Variants in FSCN3 observed in about 807,000 individuals in gnomAD.
FSCN3 encodes fascin actin-bundling protein 3, also known as fascin-3.
A neutral mutation model predicts 53.5 loss-of-function variants in FSCN3; 43 were observed. That is an observed-to-expected ratio of 0.80 (90% CI 0.63 to 1.04). The LOEUF is 1.04. Ranked by LOEUF, FSCN3 falls within the 50% of genes least tolerant of loss-of-function variation. FSCN3 has a pLI of 0.00. For synonymous variants in FSCN3, 235 were observed against 246.6 expected (o/e 0.95, Z 0.44); for missense variants, 594 against 646.5 (o/e 0.92, Z 0.88).
At chr7:127,595,198 TG>T in intron 1 of FSCN3, 108 bp from the exon 2 acceptor site, 1 of 857,032 alleles carries the variant, frequency 1.2e-6, no homozygotes, top group Non-Finnish European at 1.8e-6. Flanking sequence ...AGGAGGTGGC[TG>T]GTGCTGATGA....
chr7:127,594,339 C>G (rs1432356961), intron 1 of FSCN3, among the ~76,000 whole-genome samples: 1 of 151,940 alleles, frequency 6.6e-6, no homozygotes, highest in East Asian at 1.9e-4. Context: ...TTCCTAGGTT[C>G]TGCCAGTGCC....
rs1306579884 is a variant in FSCN3 at position 127,595,676 on chromosome 7, G to A, written c.514G>A (p.Val172Ile). The part of the protein sequence containing the change: ...TMGRIWVDAA[V>I]PCLEECGFLL... ...GGGCCGCATCTGGGTGGACGCAGCAGTTCCCTGCCTGGAGGAGTGTGGCTT... is the reference window on the plus strand; with the variant it reads ...GGGCCGCATCTGGGTGGACGCAGCAATTCCCTGCCTGGAGGAGTGTGGCTT... Residue 172 changes from valine to isoleucine, a missense_variant, in exon 2 of 7, where the codon GTT becomes ATT. Transcript: ENST00000265825. The A allele has an allele frequency of 1.2e-6, 2 of 1,614,094 alleles. No individual in the cohort carries two copies. The highest frequency in any genetic ancestry group is 1.7e-5 in the Admixed American group (1 of 60,026).
intron 1 of FSCN3, 47 bp downstream of exon 1, chr7:127,594,044 C>T: frequency 1.3e-6 from 2 of 1,539,674 alleles, no homozygotes; most frequent in Admixed American, 1.8e-5. Context: ...AGTGGCCAAG[C>T]TGTGTGTGTG....
rs774672016 is a variant in FSCN3, at chr7:127,593,965, A to G, written c.112A>G (p.Thr38Ala). The G allele has an allele frequency of 1.1e-5, 18 of 1,612,520 alleles. No homozygotes were observed. The highest frequency in any genetic ancestry group is 1.4e-5 in the Non-Finnish European group (16 of 1,179,500). Reference protein sequence around the residue: ...LTFEACKNTVTATAKSLGRRQ... With the variant: ...LTFEACKNTVAATAKSLGRRQ... ...CTTTGAGGCATGCAAGAATACAGTC[A>G]CTGCAACTGCGAAGAGTTTGGGCAG... Residue 38 changes from threonine (T) to alanine (A), a missense_variant, in exon 1 of 7, where the codon ACT becomes GCT. By Grantham distance (58) the Thr-to-Ala change is moderately conservative. Transcript: ENST00000265825.
chr7:127,599,307 T>TC (rs1794435431), intron 4 of FSCN3, 74 bp from the exon 5 acceptor site: 28 of 1,114,148 alleles, frequency 2.5e-5, no homozygotes, highest in South Asian at 1.8e-4. Context: ...GCAATTAGCG[T>TC]CCCCCCTCCT....
At chr7:127,596,149 G>A in intron 2 of FSCN3, 146 bp downstream of exon 2, 1 of 1,496,358 alleles carries the variant, frequency 6.7e-7, no homozygotes, top group East Asian at 2.3e-5. Context: ...CATCGAGAAG[G>A]ACAGAAAAGC....
At position 127,595,554 on chromosome 7, in the gene FSCN3, C is replaced by A; in HGVS notation, c.392C>A (p.Ser131Ter). 6.2e-7 allele frequency: 1 copy of A among 1,614,168 alleles called. No homozygotes were observed. The highest frequency in any genetic ancestry group is 8.5e-7 in the Non-Finnish European group (1 of 1,180,008). Residue 131 changes from serine (S) to a stop codon, truncating the protein, a stop_gained, in exon 2 of 7, where the codon TCA becomes TAA. Coordinates refer to ENST00000265825, the MANE Select transcript of FSCN3 (RefSeq NM_020369.3). LOFTEE classifies it high-confidence loss of function. ...GTGTTTTGCACTTCCCACGTCCTCT[C>A]AGCTTACCACATGTGGACCCCCCGA... ...KDVFCTSHVL[S>*]AYHMWTPRPA...
At position 127,596,093 on chromosome 7, in the gene FSCN3, T is replaced by G; in HGVS notation, c.841+90T>G. On this transcript the variant is annotated intron_variant, in intron 2 of 6. Transcript: ENST00000265825. ...TTTGGGATCAGCACAGATTTTTGAG[T>G]CTGCTAATAAGGAAGATCCTGGGGA... 1.3e-6 allele frequency: 2 copies of G among 1,483,380 alleles called. 1 individual carries two copies. The highest frequency in any genetic ancestry group is 2.8e-5 in the South Asian group (2 of 71,854). 91.9% of individuals were successfully genotyped at this position (1,483,380 alleles called of 1,614,324 possible). A position where few individuals can be genotyped will look rare whatever the true frequency, so the allele number is the denominator to read the frequency against.
At chr7:127,596,684 AT>A (rs1287533024) in intron 3 of FSCN3, 2 of 270,000 alleles carry the variant, frequency 7.4e-6, no homozygotes, top group African/African-American at 4.4e-5. Context: ...TGTATAAATT[AT>A]GTATATTATT....
chr7:127,594,151 G>A (rs1278420154), intron 1 of FSCN3, among the ~76,000 whole-genome samples, 154 bp downstream of exon 1: 1 of 139,850 alleles, frequency 7.2e-6, no homozygotes, highest in African/African-American at 2.8e-5. Flanking sequence ...GGTTTTCTGA[G>A]TGGCCAAGCT....
Position 127,595,298 on chromosome 7 carries a change from T to C in FSCN3, c.145-9T>C. Reference sequence around the variant, plus strand: ...CTGATTTCCCTCTTCTCCCTCCTGATGCCTCCAGACCTGGGAGATCTTGGT... The same window carrying C: ...CTGATTTCCCTCTTCTCCCTCCTGACGCCTCCAGACCTGGGAGATCTTGGT... On this transcript the variant is annotated splice_polypyrimidine_tract_variant and intron_variant, in intron 1 of 6. Transcript: ENST00000265825. 1 of 1,599,350 alleles carries C rather than the reference T, an allele frequency of 6.3e-7. No individual in the cohort carries two copies.
In FSCN3 at chr7:127,598,541, G is replaced by A. The variant is rs144391719; in HGVS notation, c.1067G>A (p.Arg356His). The change falls in exon 4 of 7, where the codon CGC (arginine) becomes CAC (histidine). Residue 356 changes from arginine (R) to histidine (H), a missense_variant. Arg to His is a conservative substitution (Grantham distance 29, BLOSUM62 0). Transcript: ENST00000265825. The stretch of plus-strand genomic sequence containing the variant: ...ATCATCCTGCAGTCCTGCAGGGGGC[G>A]CTTCCTGGGCATTGCACCCAACAGC... ...GRIILQSCRG[R>H]FLGIAPNSLL... 8.2e-5 allele frequency: 133 copies of A among 1,613,670 alleles called. No homozygotes were observed. Among genetic ancestry groups the A allele is most frequent in the Non-Finnish European group, 1.0e-4 (121 of 1,179,708 alleles).
intron 4 of FSCN3, among the ~76,000 whole-genome samples, chr7:127,598,868 G>T (rs565492204): frequency 3.9e-5 from 6 of 152,004 alleles, no homozygotes; most frequent in African/African-American, 1.4e-4. Flanking sequence ...GCTAAGGCAG[G>T]AGAATTGCTT....
rs773553881 is a variant in FSCN3, at chr7:127,599,522, C to T, written c.1262C>T (p.Pro421Leu). 1.2e-6 allele frequency: 2 copies of T among 1,614,018 alleles called. No individual in the cohort carries two copies. Among genetic ancestry groups the T allele is most frequent in the African/African-American group, 2.7e-5 (2 of 74,920 alleles). ...QDQPDRIHLLPCRPGIYHFQA... is the reference protein window; with the variant it reads ...QDQPDRIHLLLCRPGIYHFQA... ...CAGCCCGACCGCATTCATCTACTAC[C>T]CTGCCGACCGGGTATCTACCACTTC... The change falls in exon 5 of 7, where the codon CCC becomes CTC. Residue 421 changes from proline (P) to leucine (L), a missense_variant. Transcript: ENST00000265825.
chr7:127,593,821 C>T lies in FSCN3; in HGVS notation c.-33C>T. 1 of 1,553,096 alleles carries T rather than the reference C, an allele frequency of 6.4e-7. No individual in the cohort carries two copies. The highest frequency in any genetic ancestry group is 8.7e-7 in the Non-Finnish European group (1 of 1,147,706). On this transcript the variant is annotated 5_prime_UTR_variant, in exon 1 of 7. Coordinates refer to ENST00000265825, the MANE Select transcript of FSCN3 (RefSeq NM_020369.3). ...CCTCACCACGGGGGGGAGGGCTGGG[C>T]CAGACGGAGACATCACCTGTGGTGT...
Position 127,598,445 on chromosome 7 carries a change from G to A in FSCN3, c.971G>A (p.Arg324Lys), listed in dbSNP as rs774301098. The change falls in exon 4 of 7, where the codon AGG becomes AAG. Residue 324 changes from arginine to lysine, a missense_variant. Arg to Lys is a conservative substitution (Grantham distance 26, BLOSUM62 2). Transcript: ENST00000265825. ...TGACATTCTTTCCAGAGGCGCCACA[G>A]GGCAGTAATGGCTGATGGGCACCCC... ...NGYYLSQRRH[R>K]AVMADGHPLE... 2.5e-6 allele frequency: 4 copies of A among 1,613,706 alleles called. No homozygotes were observed. Among genetic ancestry groups the A allele is most frequent in the Non-Finnish European group, 3.4e-6 (4 of 1,179,812 alleles).
Position 127,593,883 on chromosome 7 carries a change from T to C in FSCN3, c.30T>C (p.His10=). The change falls in exon 1 of 7, where the codon CAT becomes CAC. Residue 10 remains histidine (H), a synonymous_variant. Transcript: ENST00000265825. Reference sequence around the variant, plus strand: ...ATGAGACAGAGTGGATACACAGACATCCCAAGGCTGAGGACCTAAGGGTTG... The same window carrying C: ...ATGAGACAGAGTGGATACACAGACACCCCAAGGCTGAGGACCTAAGGGTTG... MDETEWIHR[H]PKAEDLRVGL... 3 of 1,579,268 alleles carry C rather than the reference T, an allele frequency of 1.9e-6. No individual in the cohort carries two copies. The highest frequency in any genetic ancestry group is 2.6e-6 in the Non-Finnish European group (3 of 1,162,212).
chr7:127,596,380 GT>G lies in FSCN3; in HGVS notation c.897del (p.Phe299LeufsTer28), dbSNP rs779609538. ...GCTTAAACCGAATGTCCTTGTTCCA[GT>G]TTGAATGTGACAGTGAGAGCCCCAC... is the stretch of plus-strand genomic sequence containing the variant. ...ERLNRMSLFQ[F>X]ECDSESPTVQ... On this transcript the variant is annotated frameshift_variant, in exon 3 of 7. Coordinates refer to ENST00000265825, the MANE Select transcript of FSCN3 (RefSeq NM_020369.3). LOFTEE classifies it high-confidence loss of function. 3.1e-6 allele frequency: 5 copies of G among 1,613,300 alleles called. No individual in the cohort carries two copies.
chr7:127,595,614 C>T lies in FSCN3; in HGVS notation c.452C>T (p.Pro151Leu). Residue 151 changes from proline to leucine, a missense_variant, in exon 2 of 7, where the codon CCC (proline) becomes CTC (leucine). Transcript: ENST00000265825. Reference protein sequence around the residue: ...ALHVHVILYSPIHRCYARADP... With the variant: ...ALHVHVILYSLIHRCYARADP... ...CATGTCCACGTGATCCTCTACAGCC[C>T]CATCCACCGCTGCTATGCCCGGGCT... 1.2e-6 allele frequency: 2 copies of T among 1,614,102 alleles called. No individual in the cohort carries two copies. The highest frequency in any genetic ancestry group is 1.7e-6 in the Non-Finnish European group (2 of 1,179,956).
Sources: allele counts gnomAD v4.1 joint callset (sites outside exome capture counted in the v4.1 genomes callset), GRCh38; gene constraint gnomAD v4.1.1; transcripts MANE v1.5; gene names NCBI Gene and HGNC (gene_info 2026-07-23, HGNC 2026-07-21).